The following KCNAB1 variants were observed in gnomAD, a reference collection of about 807,000 sequenced individuals.
KCNAB1 encodes voltage-gated potassium channel subunit beta-1.
In KCNAB1, 35 loss-of-function variants were observed where a neutral mutation model predicts 64.6. That is an observed-to-expected ratio of 0.54 (90% CI 0.41 to 0.72). The LOEUF (loss-of-function observed/expected upper bound fraction) is 0.72. Ranked by LOEUF, KCNAB1 falls within the 30% of genes least tolerant of loss-of-function variation. The probability of loss-of-function intolerance (pLI) is 0.00; values close to 1 mark genes in which losing one functional copy is unlikely to be tolerated. For synonymous variants in KCNAB1, 177 were observed against 183.8 expected (o/e 0.96, Z 0.30); for missense variants, 401 against 512.9 (o/e 0.78, Z 2.11).
chr3:156,371,825 C>T (rs1726326109), intron 1 of KCNAB1, among the ~76,000 whole-genome samples: 1 of 152,084 alleles, frequency 6.6e-6, no homozygotes, highest in African/African-American at 2.4e-5. Flanking sequence ...AAGCAGAGCC[C>T]AAGCTAATTT....
At chr3:156,446,178 G>A (rs1054466762) in intron 2 of KCNAB1, 1 of 152,164 alleles carries the variant, frequency 6.6e-6, no homozygotes, top group Non-Finnish European at 1.5e-5. Context: ...TAGCTCAAAG[G>A]AGAACATGCT....
intron 8 of KCNAB1, among the ~76,000 whole-genome samples, chr3:156,491,371 C>T (rs1342838480): frequency 6.6e-6 from 1 of 152,116 alleles, no homozygotes; most frequent in African/African-American, 2.4e-5. Flanking sequence ...AGTTTCTTAT[C>T]AGCTTGACCA....
chr3:156,281,447 C>A (rs1368009442), intron 1 of KCNAB1, among the ~76,000 whole-genome samples: 2 of 150,048 alleles, frequency 1.3e-5, no homozygotes, highest in Non-Finnish European at 3.0e-5. Flanking sequence ...GTGTCTCTGC[C>A]TGGCTTTGGT....
intron 8 of KCNAB1, among the ~76,000 whole-genome samples, chr3:156,512,433 T>C (rs1229381495): frequency 6.6e-6 from 1 of 152,244 alleles, no homozygotes; most frequent in African/African-American, 2.4e-5. Flanking sequence ...AGGTCCAGTT[T>C]ATTCTCTGTT....
intron 1 of KCNAB1, among the ~76,000 whole-genome samples, chr3:156,182,158 C>T (rs1712857078): frequency 6.6e-6 from 1 of 152,060 alleles, no homozygotes; most frequent in Non-Finnish European, 1.5e-5. Flanking sequence ...TTTAAAATCC[C>T]TGTTCCCTCA....
chr3:156,281,647 G>A (rs1157125480), intron 1 of KCNAB1, among the ~76,000 whole-genome samples: 2 of 152,160 alleles, frequency 1.3e-5, no homozygotes, highest in Non-Finnish European at 2.9e-5. Context: ...TTCAGCTCCT[G>A]TTATTGGGCT....
At chr3:156,284,832 C>T (rs1041620096) in intron 1 of KCNAB1, among the ~76,000 whole-genome samples, 2 of 152,216 alleles carry the variant, frequency 1.3e-5, no homozygotes, top group East Asian at 1.9e-4. Context: ...GGCTCGCGCA[C>T]GATGCGCGCA....
chr3:156,358,365 G>A (rs1362988320), intron 1 of KCNAB1, among the ~76,000 whole-genome samples: 1 of 152,158 alleles, frequency 6.6e-6, no homozygotes, highest in Non-Finnish European at 1.5e-5. Context: ...AGCAAGAAGG[G>A]AAGGAGAAGG....
chr3:156,523,674 T>C (rs942490477), intron 11 of KCNAB1, 153 bp from the exon 12 acceptor site: 3 of 707,430 alleles, frequency 4.2e-6, no homozygotes, highest in East Asian at 2.5e-5. Context: ...GTGAGGAACA[T>C]TTCTTTGCAT....
At chr3:156,317,792 G>A (rs570367947) in intron 1 of KCNAB1, among the ~76,000 whole-genome samples, 2 of 152,216 alleles carry the variant, frequency 1.3e-5, no homozygotes, top group East Asian at 3.9e-4. Flanking sequence ...GCTGAAACAC[G>A]TAACCATTAC....
intron 1 of KCNAB1, among the ~76,000 whole-genome samples, chr3:156,257,755 A>T (rs997911953): frequency 6.6e-6 from 1 of 152,108 alleles, no homozygotes; most frequent in Admixed American, 6.6e-5. Flanking sequence ...TTACTGGGGG[A>T]TATCACATGG....
intron 4 of KCNAB1, among the ~76,000 whole-genome samples, chr3:156,457,929 T>C (rs1712571276): frequency 1.3e-5 from 2 of 152,194 alleles, no homozygotes; most frequent in Non-Finnish European, 2.9e-5. Flanking sequence ...TCTTTTTATT[T>C]CATAACCATA....
chr3:156,412,672 G>C (rs771007458), intron 1 of KCNAB1, among the ~76,000 whole-genome samples: 3 of 152,220 alleles, frequency 2.0e-5, no homozygotes, highest in Non-Finnish European at 2.9e-5. Flanking sequence ...AAAGTGGTAA[G>C]GCTGATCAGA....
In KCNAB1 at chr3:156,243,519, C is replaced by T. The variant is rs150183929; in HGVS notation, c.275+122633C>T. On this transcript the variant is annotated intron_variant, in intron 1 of 13. Transcript: ENST00000490337. ...CTGGGATTATAGGCATGAGCCACCA[C>T]GCCTGGCTGGTGTGCTTATTTTCAA... Among the ~76,000 whole-genome samples, 1,185 of 152,308 alleles carry T rather than the reference C, an allele frequency of 7.8e-3. 13 individuals carry two copies. Among genetic ancestry groups the T allele is most frequent in the African/African-American group, 0.027 (1,134 of 41,582 alleles).
At chr3:156,251,401 G>A (rs1717821122) in intron 1 of KCNAB1, among the ~76,000 whole-genome samples, 1 of 152,176 alleles carries the variant, frequency 6.6e-6, no homozygotes, top group African/African-American at 2.4e-5. Flanking sequence ...GGATAATGAG[G>A]AAAGGACGAC....
chr3:156,139,414 T>A (rs1210407078), intron 1 of KCNAB1, among the ~76,000 whole-genome samples: 1 of 152,156 alleles, frequency 6.6e-6, no homozygotes, highest in Admixed American at 6.5e-5. Context: ...CCTGTGATTC[T>A]TCCTTGGCCC....
chr3:156,389,678 A>C (rs1284992063), intron 1 of KCNAB1, among the ~76,000 whole-genome samples: 4 of 152,218 alleles, frequency 2.6e-5, no homozygotes, highest in Non-Finnish European at 5.9e-5. Context: ...GGTGATTTAG[A>C]TACATGCCAA....
chr3:156,133,283 G>A (rs1294573774), intron 1 of KCNAB1, among the ~76,000 whole-genome samples: 1 of 152,160 alleles, frequency 6.6e-6, no homozygotes, highest in African/African-American at 2.4e-5. Flanking sequence ...ACCAGTTGCT[G>A]TTGAACAAAA....
chr3:156,483,152 G>C (rs1714953118), intron 8 of KCNAB1, among the ~76,000 whole-genome samples: 1 of 152,058 alleles, frequency 6.6e-6, no homozygotes. Flanking sequence ...TCCGTGGTGT[G>C]ATTATATAGG....
Sources: gnomAD v4.1 joint callset for allele counts (sites outside exome capture counted in the v4.1 genomes callset) on GRCh38, gnomAD v4.1.1 for gene constraint, MANE v1.5 for transcripts, NCBI Gene and HGNC (gene_info 2026-07-23, HGNC 2026-07-21) for gene names.